PRLR: variants seen among roughly 807,000 people sequenced by gnomAD.
The protein encoded by PRLR is prolactin receptor, also known as hPRL receptor.
A neutral mutation model predicts 40.2 loss-of-function variants in PRLR; 13 were observed. The observed-to-expected ratio is 0.32, with a 90% confidence interval of 0.21 to 0.51. The LOEUF is 0.51. Among genes scored for constraint, PRLR ranks in the 20% least tolerant of loss-of-function variants. The probability of loss-of-function intolerance (pLI) is 0.97; values close to 1 mark genes in which losing one functional copy is unlikely to be tolerated. For synonymous variants in PRLR, 269 were observed against 278.7 expected (o/e 0.97, Z 0.35); for missense variants, 656 against 747.3 (o/e 0.88, Z 1.42).
At chr5:35,181,433 T>C (rs2111978138) in intron 1 of PRLR, among the ~76,000 whole-genome samples, 1 of 152,340 alleles carries the variant, frequency 6.6e-6, no homozygotes, top group African/African-American at 2.4e-5. Context: ...GTGCTTATAT[T>C]AATTTTGAAT....
At chr5:35,198,677 G>A (rs1281935590) in intron 1 of PRLR, among the ~76,000 whole-genome samples, 2 of 152,190 alleles carry the variant, frequency 1.3e-5, no homozygotes, top group African/African-American at 4.8e-5. Context: ...GTTAGCTGCT[G>A]AAAGAAATAT....
intron 8 of PRLR, among the ~76,000 whole-genome samples, chr5:35,049,915 T>C (rs1768431711): frequency 1.3e-5 from 2 of 150,476 alleles, no homozygotes; most frequent in South Asian, 4.2e-4. Context: ...TTTTTTTTTT[T>C]TTTTTTTTTG....
At chr5:35,074,602 A>T (rs941950214) in intron 5 of PRLR, among the ~76,000 whole-genome samples, 1 of 151,522 alleles carries the variant, frequency 6.6e-6, no homozygotes, top group African/African-American at 2.4e-5. Flanking sequence ...AATGAGAAGT[A>T]ACTGCTTAGT....
intron 1 of PRLR, among the ~76,000 whole-genome samples, chr5:35,191,794 C>T (rs1775614212): frequency 6.6e-6 from 1 of 152,156 alleles, no homozygotes; most frequent in Non-Finnish European, 1.5e-5. Context: ...TTGGCTCTGC[C>T]CCCCACCACG....
At chr5:35,171,877 T>A (rs1775006824) in intron 1 of PRLR, among the ~76,000 whole-genome samples, 1 of 152,180 alleles carries the variant, frequency 6.6e-6, no homozygotes, top group East Asian at 1.9e-4. Context: ...AACCTTTACT[T>A]TTTGAAAAAA....
intron 1 of PRLR, among the ~76,000 whole-genome samples, chr5:35,149,593 G>A (rs1458310205): frequency 1.3e-5 from 2 of 152,142 alleles, no homozygotes; most frequent in Non-Finnish European, 2.9e-5. Context: ...CTCTGCTAGA[G>A]AGTCTTAGTG....
chr5:35,118,360 T>TA (rs1339748741), intron 1 of PRLR, among the ~76,000 whole-genome samples: 1 of 151,888 alleles, frequency 6.6e-6, no homozygotes, highest in East Asian at 1.9e-4. Context: ...TCGACCCACA[T>TA]ACCTCAATTG....
At chr5:35,100,585 T>C (rs1771819155) in intron 2 of PRLR, among the ~76,000 whole-genome samples, 1 of 152,202 alleles carries the variant, frequency 6.6e-6, no homozygotes, top group Admixed American at 6.5e-5. Context: ...CTAGGAGCAA[T>C]AGGCTATCCC....
At chr5:35,216,352 G>A (rs1436189801) in intron 1 of PRLR, among the ~76,000 whole-genome samples, 1 of 152,088 alleles carries the variant, frequency 6.6e-6, no homozygotes, top group Non-Finnish European at 1.5e-5. Flanking sequence ...TCAGTTTGGA[G>A]GAGGAAGGGG....
intron 1 of PRLR, among the ~76,000 whole-genome samples, chr5:35,177,257 T>A (rs1408722788): frequency 1.3e-5 from 2 of 152,058 alleles, no homozygotes; most frequent in Admixed American, 1.3e-4. Flanking sequence ...CTTATTTCTT[T>A]CTCTATACTT....
intron 1 of PRLR, among the ~76,000 whole-genome samples, chr5:35,120,199 C>T (rs2111725766): frequency 6.6e-6 from 1 of 152,174 alleles, no homozygotes; most frequent in East Asian, 1.9e-4. Flanking sequence ...TGGTGCTAGC[C>T]GTGGTTGTGT....
intron 3 of PRLR, among the ~76,000 whole-genome samples, chr5:35,087,212 G>A (rs1296327806): frequency 2.6e-5 from 4 of 151,932 alleles, no homozygotes; most frequent in Admixed American, 6.6e-5. Context: ...GGCTGGTCTT[G>A]AACTCCTGAC....
intron 1 of PRLR, among the ~76,000 whole-genome samples, chr5:35,154,565 A>G (rs1774431503): frequency 6.6e-6 from 1 of 152,160 alleles, no homozygotes; most frequent in Non-Finnish European, 1.5e-5. Context: ...TTCAACCACT[A>G]TGGAAGACAG....
chr5:35,189,444 C>T (rs944200479), intron 1 of PRLR, among the ~76,000 whole-genome samples: 3 of 151,990 alleles, frequency 2.0e-5, no homozygotes, highest in African/African-American at 7.3e-5. Flanking sequence ...AACCAGGCGC[C>T]ATGGTGCATG....
chr5:35,066,492 T>A (rs576317916), intron 9 of PRLR, among the ~76,000 whole-genome samples: 76 of 152,240 alleles, frequency 5.0e-4, no homozygotes, highest in African/African-American at 1.8e-3. Flanking sequence ...ACTTCCTCTA[T>A]CACTTTCTAG....
At position 35,209,969 on chromosome 5, in the gene PRLR, C is replaced by T. The variant is rs144224542; in HGVS notation, c.-106+20299G>A. Among the ~76,000 whole-genome samples, 373 of 152,234 alleles carry T rather than the reference C, an allele frequency of 2.5e-3. 3 individuals carry two copies. Among genetic ancestry groups the T allele is most frequent in the African/African-American group, 8.6e-3 (359 of 41,542 alleles). On this transcript the variant is annotated intron_variant, in intron 1 of 9. Transcript: ENST00000618457. The stretch of plus-strand genomic sequence containing the variant: ...CATGCCATCCCTCCACTTCAAATGC[C>T]GAAAAGGCTTCCTCTTGCTCCTTGA...
intron 1 of PRLR, among the ~76,000 whole-genome samples, chr5:35,163,274 T>C (rs1774729376): frequency 6.6e-6 from 1 of 152,194 alleles, no homozygotes; most frequent in East Asian, 1.9e-4. Flanking sequence ...TTCATGGCCG[T>C]GCGACAAGGA....
chr5:35,206,788 A>C (rs1776031898), intron 1 of PRLR, among the ~76,000 whole-genome samples: 1 of 152,232 alleles, frequency 6.6e-6, no homozygotes, highest in South Asian at 2.1e-4. Context: ...CATATGGCAA[A>C]AGAGAGATCA....
intron 1 of PRLR, among the ~76,000 whole-genome samples, chr5:35,172,914 A>G (rs1775042861): frequency 6.6e-6 from 1 of 152,216 alleles, no homozygotes; most frequent in Admixed American, 6.5e-5. Flanking sequence ...AATGTAATAA[A>G]TTCATTTTGA....
Sources: gnomAD v4.1 joint callset for allele counts (sites outside exome capture counted in the v4.1 genomes callset) on GRCh38, gnomAD v4.1.1 for gene constraint, MANE v1.5 for transcripts, NCBI Gene and HGNC (gene_info 2026-07-23, HGNC 2026-07-21) for gene names.